Variants in ZAP70 observed in about 807,000 individuals in gnomAD.
ZAP70 encodes tyrosine-protein kinase ZAP-70.
Under a neutral mutation model 65.8 loss-of-function variants are expected in ZAP70, and 27 were observed. The ratio of observed to expected loss-of-function variants is 0.41; its 90% CI spans 0.30 to 0.57. The LOEUF (loss-of-function observed/expected upper bound fraction) is 0.57, where lower values mean the gene tolerates loss of function less well. Ranked by LOEUF, ZAP70 falls within the 20% of genes least tolerant of loss-of-function variation. The probability of loss-of-function intolerance (pLI) is 0.28; values close to 1 mark genes in which losing one functional copy is unlikely to be tolerated. For missense variants in ZAP70, 696 were observed against 870.5 expected, an observed-to-expected ratio of 0.80 and a Z score of 2.52; for synonymous variants, 363 against 360.8, an observed-to-expected ratio of 1.01 and a Z score of -0.07.
chr2:97,728,734 C>G (rs776561073), intron 4 of ZAP70, among the ~76,000 whole-genome samples: 2 of 152,128 alleles, frequency 1.3e-5, no homozygotes, highest in Non-Finnish European at 2.9e-5. Flanking sequence ...CTGGAAAGGG[C>G]CTTTAAGAGA....
intron 2 of ZAP70, among the ~76,000 whole-genome samples, chr2:97,714,404 T>C (rs894411420): frequency 1.3e-5 from 2 of 151,974 alleles, no homozygotes; most frequent in Admixed American, 6.6e-5. Flanking sequence ...CTGTGAGGAG[T>C]CCAGGGCAGG....
At chr2:97,735,708 G>A (rs780452964) in intron 10 of ZAP70, among the ~76,000 whole-genome samples, 5 of 152,172 alleles carry the variant, frequency 3.3e-5, no homozygotes, top group Non-Finnish European at 5.9e-5. Flanking sequence ...CGAATGAGTC[G>A]GCACCTATAA....
Position 97,739,355 on chromosome 2 carries a change from A to T in ZAP70, c.1737-20A>T. 6.2e-7 allele frequency: 1 copy of T among 1,612,868 alleles called. No homozygotes were observed. Among genetic ancestry groups the T allele is most frequent in the Non-Finnish European group, 8.5e-7 (1 of 1,179,488 alleles). ...CCTGGGGGCGTGGTCAGCAGCCTGG[A>T]TGTACCCCACGCCCCACAGGTGGGA... On this transcript the variant is annotated intron_variant, in intron 13 of 13. Coordinates refer to ENST00000264972, the MANE Select transcript of ZAP70 (RefSeq NM_001079.4).
downstream of ZAP70, among the ~76,000 whole-genome samples, chr2:97,743,127 C>T (rs1678169794): frequency 6.6e-6 from 1 of 152,198 alleles, no homozygotes; most frequent in South Asian, 2.1e-4. Context: ...AAAGCACATA[C>T]ATTCATCCTC....
chr2:97,724,482 G>T lies in ZAP70; in HGVS notation c.402+44G>T, dbSNP rs767294957. On this transcript the variant is annotated intron_variant, in intron 3 of 13. Coordinates refer to ENST00000264972, the MANE Select transcript of ZAP70 (RefSeq NM_001079.4). ...GCGCGGGGTCTGGAGGGGCGTGGCC[G>T]AAGAGGGGCAGTCGAGGGTTTTGGG... The T allele has an allele frequency of 2.0e-6, 3 of 1,509,834 alleles. No individual in the cohort carries two copies. The African/African-American group carries it at 4.1e-5, about 21-fold the overall frequency. The allele number at this position is 1,509,834 out of a possible 1,614,324, so 93.5% of individuals were successfully genotyped here.
At chr2:97,752,019 G>A in the ZAP70 span, among the ~76,000 whole-genome samples, 185 of 152,328 alleles carry the variant, frequency 1.2e-3, 1 homozygote, top group African/African-American at 4.1e-3. Context: ...CTGGAAAAAG[G>A]AGTATCTCTG....
intron 2 of ZAP70, among the ~76,000 whole-genome samples, chr2:97,718,766 A>T (rs1334632867): frequency 6.6e-6 from 1 of 152,168 alleles, no homozygotes. Flanking sequence ...TGTGTTGGCG[A>T]CAGTTTCCTG....
intron 8 of ZAP70, chr2:97,733,871 G>C: frequency 1.8e-6 from 1 of 565,466 alleles, no homozygotes; most frequent in Non-Finnish European, 3.2e-6. Flanking sequence ...TGTCAGTCAC[G>C]TTCCGAGGTC....
intron 8 of ZAP70, 175 bp from the exon 9 acceptor site, chr2:97,734,345 G>A (rs1677749837): frequency 1.4e-6 from 2 of 1,428,892 alleles, no homozygotes; most frequent in East Asian, 2.5e-5. Context: ...CTGTGGCCAG[G>A]AGTGTATGCC....
chr2:97,724,968 G>A, intron 3 of ZAP70, 124 bp from the exon 4 acceptor site: 1 of 1,541,790 alleles, frequency 6.5e-7, no homozygotes, highest in Non-Finnish European at 8.7e-7. Context: ...TCGAAAACCT[G>A]CCTAACACGC....
rs199840952 is a variant in ZAP70 at position 97,732,893 on chromosome 2, C to T, written c.574C>T (p.Arg192Trp). ...CCCTTCCCCTGCCAGGCTGAGGCCGCGGAAGGAGCAGGGCACATACGCCCT... is the reference window on the plus strand; with the variant it reads ...CCCTTCCCCTGCCAGGCTGAGGCCGTGGAAGGAGCAGGGCACATACGCCCT... Reference protein sequence around the residue: ...QTDGKFLLRPRKEQGTYALSL... With the variant: ...QTDGKFLLRPWKEQGTYALSL... Residue 192 changes from arginine (R) to tryptophan (W), a missense_variant, in exon 5 of 14, where the codon CGG becomes TGG. Arg to Trp is a moderately radical substitution (Grantham distance 101). This residue lies in a region of ZAP70 where 551 missense variants were observed against 630.0 expected (regional missense o/e 0.87). Coordinates refer to ENST00000264972, the MANE Select transcript of ZAP70 (RefSeq NM_001079.4). 5.0e-6 allele frequency: 8 copies of T among 1,613,784 alleles called. No individual in the cohort carries two copies. In the Admixed American group the frequency reaches 8.3e-5, roughly 17 times the overall value.
At chr2:97,740,694 G>A (rs1380946809), downstream of ZAP70, among the ~76,000 whole-genome samples, 1 of 152,196 alleles carries the variant, frequency 6.6e-6, no homozygotes, top group African/African-American at 2.4e-5. Context: ...TCCAGGTGGC[G>A]ATGTTTCCAG....
At chr2:97,730,307 G>A (rs1033498736) in intron 4 of ZAP70, among the ~76,000 whole-genome samples, 1 of 152,210 alleles carries the variant, frequency 6.6e-6, no homozygotes, top group Non-Finnish European at 1.5e-5. Flanking sequence ...AATTTGGGCT[G>A]AGTTCAGCTG....
chr2:97,723,012 C>CT (rs1307984605), intron 2 of ZAP70, among the ~76,000 whole-genome samples: 1 of 152,230 alleles, frequency 6.6e-6, no homozygotes, highest in Non-Finnish European at 1.5e-5. Flanking sequence ...AAATCAGACA[C>CT]TTGCATAACC....
At chr2:97,723,674 T>C (rs1324023322) in intron 2 of ZAP70, among the ~76,000 whole-genome samples, 2 of 152,218 alleles carry the variant, frequency 1.3e-5, no homozygotes, top group African/African-American at 4.8e-5. Context: ...GCCTCAAGCG[T>C]GCATATCCCC....
chr2:97,727,734 T>C (rs948407859), intron 4 of ZAP70, among the ~76,000 whole-genome samples: 10 of 152,198 alleles, frequency 6.6e-5, no homozygotes, highest in Non-Finnish European at 5.9e-5. Flanking sequence ...CTTCTCTGTT[T>C]TCCCCCTACA....
chr2:97,738,072 A>G lies in ZAP70; in HGVS notation c.1701A>G (p.Glu567=). ...RMECPPECPP[E]LYALMSDCWI... ...AGTGCCCACCAGAGTGTCCACCCGA[A>G]CTGTACGCACTCATGAGTGACTGCT... The change falls in exon 13 of 14, where the codon GAA becomes GAG. Residue 567 remains glutamate (E), a synonymous_variant. Transcript: ENST00000264972. The G allele has an allele frequency of 6.2e-7, 1 of 1,609,524 alleles. No homozygotes were observed. The highest frequency in any genetic ancestry group is 8.5e-7 in the Non-Finnish European group (1 of 1,177,728).
intron 2 of ZAP70, among the ~76,000 whole-genome samples, 176 bp from the exon 3 acceptor site, chr2:97,723,840 A>G (rs1677256281): frequency 6.6e-6 from 1 of 152,254 alleles, no homozygotes; most frequent in South Asian, 2.1e-4. Flanking sequence ...ATCTGTGCCC[A>G]GCAGGCTGCG....
chr2:97,723,464 T>G (rs1195997514), intron 2 of ZAP70, among the ~76,000 whole-genome samples: 1 of 152,270 alleles, frequency 6.6e-6, no homozygotes, highest in Non-Finnish European at 1.5e-5. Flanking sequence ...CCTTCAGCTC[T>G]CCCTTCAAAT....
Sources: allele counts gnomAD v4.1 joint callset (sites outside exome capture counted in the v4.1 genomes callset), GRCh38; gene constraint gnomAD v4.1.1; regional missense constraint gnomAD v4.1.1; transcripts MANE v1.5; gene names NCBI Gene and HGNC (gene_info 2026-07-23, HGNC 2026-07-21).